Variants in ROBO1 observed in about 807,000 individuals in gnomAD.
ROBO1 encodes the protein roundabout homolog 1.
Under a neutral mutation model 195.9 loss-of-function variants are expected in ROBO1, and 149 were observed. That is an observed-to-expected ratio of 0.76 (90% CI 0.67 to 0.87). ROBO1 has a LOEUF of 0.87. Ranked by LOEUF, ROBO1 falls within the 40% of genes least tolerant of loss-of-function variation. The pLI, the probability that ROBO1 is intolerant of heterozygous loss-of-function variation, is 0.00. For missense variants in ROBO1, 1,933 were observed against 2,068.3 expected, an observed-to-expected ratio of 0.93 and a Z score of 1.27; for synonymous variants, 816 against 733.2, an observed-to-expected ratio of 1.11 and a Z score of -1.82.
At chr3:79,178,335 A>T (rs1216351547) in intron 2 of ROBO1, among the ~76,000 whole-genome samples, 1 of 152,352 alleles carries the variant, frequency 6.6e-6, no homozygotes, top group East Asian at 1.9e-4. Flanking sequence ...ATTCTGTAAA[A>T]GCCTTATAAG....
intron 3 of ROBO1, among the ~76,000 whole-genome samples, chr3:79,091,355 T>G (rs2079476490): frequency 6.6e-6 from 1 of 152,050 alleles, no homozygotes; most frequent in South Asian, 2.1e-4. Flanking sequence ...ATTAACAAAT[T>G]CAATAAAAAG....
At chr3:79,529,049 A>T (rs991000075) in intron 2 of ROBO1, among the ~76,000 whole-genome samples, 1 of 152,328 alleles carries the variant, frequency 6.6e-6, no homozygotes, top group African/African-American at 2.4e-5. Context: ...ACTTTTTGTT[A>T]GTTTATAGAC....
chr3:79,012,852 CT>C (rs1231890575), intron 3 of ROBO1, among the ~76,000 whole-genome samples: 3 of 152,086 alleles, frequency 2.0e-5, no homozygotes, highest in Non-Finnish European at 4.4e-5. Flanking sequence ...TACAGATCAT[CT>C]TTTTTTCTTC....
At chr3:79,266,358 T>A (rs1416861474) in intron 2 of ROBO1, among the ~76,000 whole-genome samples, 1 of 151,610 alleles carries the variant, frequency 6.6e-6, no homozygotes, top group East Asian at 1.9e-4. Flanking sequence ...CCAATTAAAA[T>A]CCATTTGGTC....
rs77712715 is a variant in ROBO1, at chr3:79,664,597, C to A, written c.-50-74636G>T. Among the ~76,000 whole-genome samples the A allele has an allele frequency of 7.7e-3, 1,166 of 152,134 alleles. 22 individuals carry two copies. Among genetic ancestry groups the A allele is most frequent in the African/African-American group, 0.026 (1,096 of 41,540 alleles). On this transcript the variant is annotated intron_variant, in intron 1 of 30. Coordinates refer to ENST00000464233, the MANE Select transcript of ROBO1 (RefSeq NM_002941.4). ...ATAACAAGGTAGCATTTCTTCTCCA[C>A]CCTTGGCAGCTATCGTCTTCTTACT...
At chr3:79,005,522 T>C (rs1363699297) in intron 3 of ROBO1, among the ~76,000 whole-genome samples, 5 of 152,162 alleles carry the variant, frequency 3.3e-5, no homozygotes, top group Admixed American at 6.6e-5. Context: ...AATAACCAAG[T>C]TTTCCCAGTG....
chr3:79,466,743 T>G (rs1937980359), intron 2 of ROBO1, among the ~76,000 whole-genome samples: 2 of 152,156 alleles, frequency 1.3e-5, no homozygotes, highest in Admixed American at 6.6e-5. Flanking sequence ...AAATGTTAAT[T>G]CACTTAAAAA....
At chr3:78,986,040 A>T (rs2077098735) in intron 3 of ROBO1, among the ~76,000 whole-genome samples, 1 of 152,194 alleles carries the variant, frequency 6.6e-6, no homozygotes, top group Non-Finnish European at 1.5e-5. Flanking sequence ...AGTTTTGAAA[A>T]GGAAAGAACA....
At chr3:79,355,446 T>C (rs2035512463) in intron 2 of ROBO1, among the ~76,000 whole-genome samples, 1 of 152,164 alleles carries the variant, frequency 6.6e-6, no homozygotes, top group Non-Finnish European at 1.5e-5. Flanking sequence ...TCTAGCTACT[T>C]GGAAATATAC....
chr3:79,108,180 T>C (rs2079819212), intron 3 of ROBO1, among the ~76,000 whole-genome samples: 1 of 151,722 alleles, frequency 6.6e-6, no homozygotes, highest in South Asian at 2.1e-4. Context: ...TCTCTCTTTT[T>C]CTTCCTTGAT....
At chr3:79,697,474 G>T (rs1194201732) in intron 1 of ROBO1, among the ~76,000 whole-genome samples, 5 of 151,360 alleles carry the variant, frequency 3.3e-5, no homozygotes, top group Non-Finnish European at 7.4e-5. Flanking sequence ...AATTATTATG[G>T]ATCATGCAGA....
At position 78,930,263 on chromosome 3, in the gene ROBO1, A is replaced by G. The variant is rs538587238; in HGVS notation, c.499+8338T>C. Among the ~76,000 whole-genome samples the G allele has an allele frequency of 2.6e-5, 4 of 152,318 alleles. No individual in the cohort carries two copies. In the South Asian group the frequency reaches 6.2e-4, roughly 24 times the overall value. ...AGGAAGTAAAATATTTCTGAGTTCC[A>G]TGTTAGATCACTTCACTTCCAATAG... On this transcript the variant is annotated intron_variant, in intron 4 of 30. Transcript: ENST00000464233.
At chr3:79,051,381 CAAAT>C (rs1576614805) in intron 3 of ROBO1, among the ~76,000 whole-genome samples, 1 of 152,120 alleles carries the variant, frequency 6.6e-6, no homozygotes, top group African/African-American at 2.4e-5. Context: ...TCTGAATAGA[CAAAT>C]AACAGGCTTT....
chr3:78,887,891 T>C (rs1168118761), intron 4 of ROBO1, among the ~76,000 whole-genome samples: 2 of 151,984 alleles, frequency 1.3e-5, no homozygotes, highest in Non-Finnish European at 2.9e-5. Context: ...TCATATTGCA[T>C]CACCAAGTAT....
chr3:79,124,175 G>T (rs1261617423), intron 3 of ROBO1, among the ~76,000 whole-genome samples: 1 of 151,954 alleles, frequency 6.6e-6, no homozygotes, highest in Non-Finnish European at 1.5e-5. Flanking sequence ...CTAAGTTTCT[G>T]GGAAAGTATC....
chr3:79,504,423 A>G (rs1940281581), intron 2 of ROBO1, among the ~76,000 whole-genome samples: 1 of 152,040 alleles, frequency 6.6e-6, no homozygotes, highest in Admixed American at 6.6e-5. Flanking sequence ...ATTTTTTCTG[A>G]TGTTTCCTAT....
chr3:79,646,671 T>C (rs1243565103), intron 1 of ROBO1, among the ~76,000 whole-genome samples: 2 of 151,946 alleles, frequency 1.3e-5, no homozygotes, highest in Non-Finnish European at 2.9e-5. Flanking sequence ...TGCCCATCAA[T>C]GGATGAATAG....
chr3:78,839,090 G>C (rs1389239208), intron 4 of ROBO1, among the ~76,000 whole-genome samples: 1 of 151,986 alleles, frequency 6.6e-6, no homozygotes, highest in Non-Finnish European at 1.5e-5. Context: ...GAGAATTCTT[G>C]CCCAAGGCAT....
chr3:79,319,968 A>G (rs898453205), intron 2 of ROBO1, among the ~76,000 whole-genome samples: 6 of 152,212 alleles, frequency 3.9e-5, no homozygotes, highest in African/African-American at 1.4e-4. Context: ...TGTAAACTGT[A>G]TAACCAGGGT....
Sources: allele counts gnomAD v4.1 joint callset (sites outside exome capture counted in the v4.1 genomes callset), GRCh38; gene constraint gnomAD v4.1.1; transcripts MANE v1.5; gene names NCBI Gene and HGNC (gene_info 2026-07-23, HGNC 2026-07-21).